The following ZNF326 variants were observed in gnomAD, a reference collection of about 807,000 sequenced individuals.
ZNF326 encodes the protein DBIRD complex subunit ZNF326.
In ZNF326, 30 loss-of-function variants were observed where a neutral mutation model predicts 63.1. The ratio of observed to expected loss-of-function variants is 0.48; its 90% CI spans 0.36 to 0.64. The LOEUF (loss-of-function observed/expected upper bound fraction) is 0.64. Ranked by LOEUF, ZNF326 falls within the 30% of genes least tolerant of loss-of-function variation. ZNF326 has a pLI of 0.00. For missense variants in ZNF326, 609 were observed against 720.3 expected, an observed-to-expected ratio of 0.85 and a Z score of 1.77; for synonymous variants, 194 against 228.2, an observed-to-expected ratio of 0.85 and a Z score of 1.35.
At chr1:90,006,219 A>G in intron 4 of ZNF326, 2 of 985,282 alleles carry the variant, frequency 2.0e-6, no homozygotes, top group Non-Finnish European at 2.4e-6. Flanking sequence ...GTTTTGAAAA[A>G]TGTAGTTGGA....
At chr1:89,996,497 T>G (rs1157074256) in intron 1 of ZNF326, among the ~76,000 whole-genome samples, 1 of 152,232 alleles carries the variant, frequency 6.6e-6, no homozygotes, top group Non-Finnish European at 1.5e-5. Flanking sequence ...AATAGTAAGT[T>G]CAGCTCTTAA....
Position 90,027,816 on chromosome 1 carries a change from AT to A in ZNF326, c.*117del. ...CACCCATGTTGCATGCATTCCACAT[AT>A]TAAAATTTGTTTTATATAATTTCTA... On this transcript the variant is annotated 3_prime_UTR_variant, in exon 12 of 12. Transcript: ENST00000340281. 1 of 922,514 alleles carries A rather than the reference AT, an allele frequency of 1.1e-6. No individual in the cohort carries two copies. Among genetic ancestry groups the A allele is most frequent in the Non-Finnish European group, 1.6e-6 (1 of 622,324 alleles). The allele number at this position is 922,514 out of a possible 1,614,324, so 57.1% of individuals were successfully genotyped here. A position where few individuals can be genotyped will look rare whatever the true frequency, so the allele number is the denominator to read the frequency against.
In ZNF326 at chr1:89,995,257, C is replaced by T. The variant is rs1648288326; in HGVS notation, c.-1C>T. Reference sequence around the variant, plus strand: ...AAGGCCGACGGCCCTCAGCCTCTGCCATGGACTTCGAGGACGGTAAGCGCT... The same window carrying T: ...AAGGCCGACGGCCCTCAGCCTCTGCTATGGACTTCGAGGACGGTAAGCGCT... On this transcript the variant is annotated 5_prime_UTR_variant, in exon 1 of 12. Transcript: ENST00000340281. The T allele has an allele frequency of 6.4e-7, 1 of 1,556,208 alleles. No individual in the cohort carries two copies. The highest frequency in any genetic ancestry group is 8.7e-7 in the Non-Finnish European group (1 of 1,153,010).
chr1:90,013,099 CT>C (rs1386097697), intron 6 of ZNF326, 26 bp from the exon 7 acceptor site: 1 of 1,573,356 alleles, frequency 6.4e-7, no homozygotes, highest in East Asian at 2.2e-5. Context: ...TGAATTTTAG[CT>C]TTTACTTTTT....
intron 8 of ZNF326, among the ~76,000 whole-genome samples, chr1:90,017,787 A>G (rs548731605): frequency 3.3e-5 from 5 of 152,312 alleles, no homozygotes; most frequent in African/African-American, 1.2e-4. Context: ...TGAGCCCTGT[A>G]ACAATTCATT....
intron 9 of ZNF326, among the ~76,000 whole-genome samples, chr1:90,020,023 T>C (rs1363885583): frequency 1.3e-5 from 2 of 152,152 alleles, no homozygotes; most frequent in Non-Finnish European, 2.9e-5. Context: ...CAAATCTGTT[T>C]CTTTACCTCT....
chr1:90,003,459 C>G (rs546952195), intron 2 of ZNF326, among the ~76,000 whole-genome samples: 2 of 152,250 alleles, frequency 1.3e-5, no homozygotes, highest in Admixed American at 6.5e-5. Context: ...AAATTTGGAC[C>G]TTTACCACAG....
chr1:90,007,784 A>G lies in ZNF326; in HGVS notation c.615+34A>G, dbSNP rs762664015. Reference sequence around the variant, plus strand: ...AACAGAATCTTTTCAGATTCTTTTCACTAGTCACTCTTTTAAACCCTTTCA... The same window carrying G: ...AACAGAATCTTTTCAGATTCTTTTCGCTAGTCACTCTTTTAAACCCTTTCA... On this transcript the variant is annotated intron_variant, in intron 5 of 11. Coordinates refer to ENST00000340281, the MANE Select transcript of ZNF326 (RefSeq NM_182976.4). This position sits in a 1 kb window ranked among gnomAD's most constrained non-coding sequence, Gnocchi z 4.9. The G allele has an allele frequency of 2.0e-6, 3 of 1,475,126 alleles. No individual in the cohort carries two copies. The highest frequency in any genetic ancestry group is 1.8e-6 in the Non-Finnish European group (2 of 1,110,528). 91.4% of individuals were successfully genotyped at this position (1,475,126 alleles called of 1,614,324 possible).
chr1:90,005,916 T>C, intron 4 of ZNF326: 1 of 985,452 alleles, frequency 1.0e-6, no homozygotes, highest in Non-Finnish European at 1.2e-6. Flanking sequence ...CTGTTACTAC[T>C]GTATAAAGCT....
intron 4 of ZNF326, chr1:90,005,694 T>A (rs1352139953): frequency 1.0e-6 from 1 of 985,082 alleles, no homozygotes; most frequent in Non-Finnish European, 1.2e-6. Context: ...AGTCTAACAT[T>A]TACTTTCCAA....
intron 5 of ZNF326, 53 bp from the exon 6 acceptor site, chr1:90,010,035 C>A: frequency 1.3e-6 from 2 of 1,526,974 alleles, no homozygotes; most frequent in South Asian, 2.5e-5. Flanking sequence ...TATATGAATT[C>A]ATATTTTTTC....
chr1:90,007,545 C>G lies in ZNF326; in HGVS notation c.410C>G (p.Ser137Cys), dbSNP rs761061308. 7 of 1,613,910 alleles carry G rather than the reference C, an allele frequency of 4.3e-6. No homozygotes were observed. Among genetic ancestry groups the G allele is most frequent in the East Asian group, 2.2e-5 (1 of 44,858 alleles). The change falls in exon 5 of 12, where the codon TCC (serine) becomes TGC (cysteine). Residue 137 changes from serine to cysteine, a missense_variant. Physicochemically the swap from Ser to Cys is moderately radical, Grantham distance 112. Around this residue, in one of 3 missense-constraint regions of ZNF326, gnomAD observed 113 missense variants for 187.4 expected, o/e 0.60. Coordinates refer to ENST00000340281, the MANE Select transcript of ZNF326 (RefSeq NM_182976.4). The surrounding 1 kb of genome is among the most constrained non-coding windows in gnomAD (Gnocchi z 4.9). ...GGGTCTAGCTGGGAAGCACCTTACTCCCGTTCAAAATTGAGGCCTGGGTTT... is the reference window on the plus strand; with the variant it reads ...GGGTCTAGCTGGGAAGCACCTTACTGCCGTTCAAAATTGAGGCCTGGGTTT... ...QGGSSWEAPYSRSKLRPGFME... is the reference protein window; with the variant it reads ...QGGSSWEAPYCRSKLRPGFME...
intron 11 of ZNF326, among the ~76,000 whole-genome samples, chr1:90,026,978 A>T (rs564213061): frequency 6.6e-6 from 1 of 152,292 alleles, no homozygotes; most frequent in Admixed American, 6.5e-5. Context: ...TGTAACATTA[A>T]TACTCATATA....
chr1:90,000,089 A>T (rs1211939259), intron 2 of ZNF326, among the ~76,000 whole-genome samples: 3 of 152,102 alleles, frequency 2.0e-5, no homozygotes, highest in Admixed American at 6.6e-5. Flanking sequence ...GCAATTTTAG[A>T]GTCTCTGGGG....
In ZNF326 at chr1:90,005,129, A is replaced by G. The variant is rs779635272; in HGVS notation, c.98-4A>G. The G allele has an allele frequency of 1.9e-6, 3 of 1,613,954 alleles. No homozygotes were observed. The South Asian group carries it at 3.3e-5, about 18-fold the overall frequency. On this transcript the variant is annotated splice_region_variant and splice_polypyrimidine_tract_variant and intron_variant, in intron 3 of 11. Coordinates refer to ENST00000340281, the MANE Select transcript of ZNF326 (RefSeq NM_182976.4). ...ATAACTTTTTTCTTTTTAAACTCTT[A>G]TAGGGATGGATCGTGACTATGGCCA... is the stretch of plus-strand genomic sequence containing the variant.
At position 90,007,599 on chromosome 1, in the gene ZNF326, CT is replaced by C; in HGVS notation, c.466del (p.Ser156ProfsTer10). Reference sequence around the variant, plus strand: ...GAGGACAGAGGAAGAGAGAATTACTCTTCCTACAGCAGTTTTTCTTCACCCC... The same window carrying C: ...GAGGACAGAGGAAGAGAGAATTACTCTCCTACAGCAGTTTTTCTTCACCCC... ...FMEDRGRENY[S>X]SYSSFSSPHM... On this transcript the variant is annotated frameshift_variant, in exon 5 of 12. Coordinates refer to ENST00000340281, the MANE Select transcript of ZNF326 (RefSeq NM_182976.4). LOFTEE classifies it high-confidence loss of function. This position sits in a 1 kb window ranked among gnomAD's most constrained non-coding sequence, Gnocchi z 4.9. The C allele has an allele frequency of 6.2e-7, 1 of 1,605,080 alleles. No homozygotes were observed. Among genetic ancestry groups the C allele is most frequent in the Admixed American group, 1.7e-5 (1 of 58,752 alleles).
chr1:90,010,843 G>T (rs1459221251), intron 6 of ZNF326, among the ~76,000 whole-genome samples: 2 of 151,924 alleles, frequency 1.3e-5, no homozygotes, highest in Non-Finnish European at 2.9e-5. Context: ...GGTTTAAAAG[G>T]TGTACTTAAA....
intron 11 of ZNF326, among the ~76,000 whole-genome samples, chr1:90,027,065 ATGTGTGTG>A (rs59960066): frequency 3.3e-5 from 5 of 149,308 alleles, no homozygotes; most frequent in South Asian, 2.1e-4. Context: ...ATGTGTATAT[ATGTGTGTG>A]TGTGTGTGTG....
chr1:90,027,650 A>G lies in ZNF326; in HGVS notation c.1698A>G (p.Thr566=). The change falls in exon 12 of 12, where the codon ACA becomes ACG. Residue 566 remains threonine, a synonymous_variant. Transcript: ENST00000340281. ...AAGTAGAGGAATTAGAGGAAGAGAC[A>G]GCAAAGGAAGAACCTGCTGACTTCC... ...VEEVEELEEE[T]AKEEPADFPV... 6.2e-7 allele frequency: 1 copy of G among 1,614,068 alleles called. No individual in the cohort carries two copies. The highest frequency in any genetic ancestry group is 8.5e-7 in the Non-Finnish European group (1 of 1,180,006).
Sources: gnomAD v4.1 joint callset for allele counts (sites outside exome capture counted in the v4.1 genomes callset) on GRCh38, gnomAD v4.1.1 for gene constraint, gnomAD v4.1.1 regional missense constraint, Gnocchi (gnomAD v3.1) non-coding constraint, MANE v1.5 for transcripts, NCBI Gene and HGNC (gene_info 2026-07-23, HGNC 2026-07-21) for gene names.